The following PI4KB variants were observed in gnomAD, a reference collection of about 807,000 sequenced individuals.
PI4KB encodes the protein PtdIns 4-kinase beta.
PI4KB carries 23 observed loss-of-function variants against 81.4 expected under a neutral mutation model. That is an observed-to-expected ratio of 0.28 (90% CI 0.20 to 0.40). The LOEUF (loss-of-function observed/expected upper bound fraction) is 0.40. Among genes scored for constraint, PI4KB ranks in the 10% least tolerant of loss-of-function variants. The pLI, the probability that PI4KB is intolerant of heterozygous loss-of-function variation, is 1.00. For synonymous variants in PI4KB, 381 were observed against 406.8 expected, an observed-to-expected ratio of 0.94 and a Z score of 0.76; for missense variants, 651 against 1,036.6, an observed-to-expected ratio of 0.63 and a Z score of 5.11.
At position 151,293,878 on chromosome 1, in the gene PI4KB, C is replaced by T. The variant is rs77416301; in HGVS notation, c.2269+140G>A. On this transcript the variant is annotated intron_variant, in intron 11 of 11. Transcript: ENST00000368873. ...GGAATGTCCTAAAGGAGAAACAAGG[C>T]ACTGGACCAGAGCTAGAAACTCTCT... 7.9e-3 allele frequency: 7,024 copies of T among 887,512 alleles called. 39 individuals carry two copies. Among genetic ancestry groups the T allele is most frequent in the Non-Finnish European group, 9.8e-3 (5,698 of 581,976 alleles). 55.0% of individuals were successfully genotyped at this position (887,512 alleles called of 1,614,324 possible).
In PI4KB at chr1:151,292,711, T is replaced by C. The variant is rs878921131; in HGVS notation, c.*141A>G. The C allele has an allele frequency of 6.6e-6, 5 of 762,612 alleles. No individual in the cohort carries two copies. In the Admixed American group the frequency reaches 1.1e-4, roughly 17 times the overall value. The allele number at this position is 762,612 out of a possible 1,614,324, so 47.2% of individuals were successfully genotyped here. A position where few individuals can be genotyped will look rare whatever the true frequency, so the allele number is the denominator to read the frequency against. On this transcript the variant is annotated 3_prime_UTR_variant, in exon 12 of 12. Transcript: ENST00000368873. ...TCAGCAAGCTCTCGCAGTTACCACA[T>C]GATCCTTCGTGTTTCTTGCCTTCCA...
intron 6 of PI4KB, among the ~76,000 whole-genome samples, 186 bp from the exon 7 acceptor site, chr1:151,302,484 GTTAAAA>G (rs1205250736): frequency 2.0e-5 from 3 of 151,670 alleles, no homozygotes; most frequent in Admixed American, 6.6e-5. Context: ...TTGTAATCAT[GTTAAAA>G]TTAAGATTAC....
Position 151,310,275 on chromosome 1 carries a change from C to G in PI4KB, c.910-20G>C. 1.8e-6 allele frequency: 1 copy of G among 569,130 alleles called. No homozygotes were observed. Among genetic ancestry groups the G allele is most frequent in the Non-Finnish European group, 2.9e-6 (1 of 341,532 alleles). The allele number at this position is 569,130 out of a possible 1,614,324, so 35.3% of individuals were successfully genotyped here. A position where few individuals can be genotyped will look rare whatever the true frequency, so the allele number is the denominator to read the frequency against. On this transcript the variant is annotated intron_variant, in intron 2 of 11. Coordinates refer to ENST00000368873, the MANE Select transcript of PI4KB (RefSeq NM_001369623.2). ...GAGCTCCTGGGAAAGGGCCAGAGGG[C>G]AAAGGGAGAAGGAGGGGGTGGGAAG...
intron 1 of PI4KB, chr1:151,326,252 G>C: frequency 6.7e-7 from 1 of 1,494,090 alleles, no homozygotes; most frequent in East Asian, 2.3e-5. Flanking sequence ...TAATCTGATA[G>C]GGACTTCTTC....
intron 11 of PI4KB, chr1:151,293,541 G>T: frequency 1.7e-6 from 1 of 603,180 alleles, no homozygotes; most frequent in Non-Finnish European, 2.4e-6. Flanking sequence ...CCTTGAGGAG[G>T]GGGATGAGGA....
intron 9 of PI4KB, among the ~76,000 whole-genome samples, chr1:151,295,469 C>T (rs2101907460): frequency 6.6e-6 from 1 of 152,306 alleles, no homozygotes; most frequent in Middle Eastern, 3.4e-3. Context: ...ATGGTTCAAC[C>T]TCACATTTTA....
intron 1 of PI4KB, among the ~76,000 whole-genome samples, chr1:151,321,209 C>T (rs779910970): frequency 3.9e-5 from 6 of 152,130 alleles, no homozygotes; most frequent in Non-Finnish European, 8.8e-5. Flanking sequence ...ACAGACTCCT[C>T]TCCTATATAA....
At chr1:151,301,784 G>C (rs1245275706) in intron 8 of PI4KB, 60 bp downstream of exon 8, 1 of 1,532,552 alleles carries the variant, frequency 6.5e-7, no homozygotes, top group Non-Finnish European at 9.0e-7. Flanking sequence ...CACCCGCCTC[G>C]GCCTCCCAGA....
intron 1 of PI4KB, among the ~76,000 whole-genome samples, chr1:151,324,154 T>C (rs1413093566): frequency 6.6e-6 from 1 of 152,150 alleles, no homozygotes; most frequent in Non-Finnish European, 1.5e-5. Context: ...TTTCACCATG[T>C]TGTCTCGAAC....
At chr1:151,303,068 G>C (rs1695438219) in intron 6 of PI4KB, among the ~76,000 whole-genome samples, 3 of 142,452 alleles carry the variant, frequency 2.1e-5, no homozygotes, top group Non-Finnish European at 3.0e-5. Context: ...GTGCGATCTC[G>C]GCTCACTGCA....
At chr1:151,304,781 C>T (rs587742325) in intron 5 of PI4KB, among the ~76,000 whole-genome samples, 1 of 150,708 alleles carries the variant, frequency 6.6e-6, no homozygotes, top group African/African-American at 2.4e-5. Flanking sequence ...TCAAGAATCA[C>T]TTGCCTCCCG....
chr1:151,313,745 C>G (rs1208999366), intron 2 of PI4KB, among the ~76,000 whole-genome samples: 1 of 152,244 alleles, frequency 6.6e-6, no homozygotes, highest in Non-Finnish European at 1.5e-5. Context: ...TTTGCCTGTG[C>G]ATGGATGTGG....
At chr1:151,309,412 G>C (rs757311282) in intron 3 of PI4KB, among the ~76,000 whole-genome samples, 15 of 152,142 alleles carry the variant, frequency 9.9e-5, no homozygotes, top group Non-Finnish European at 1.6e-4. Context: ...AGAGGAGATA[G>C]GAATCATGAC....
chr1:151,303,007 T>G (rs1695428713), intron 6 of PI4KB, among the ~76,000 whole-genome samples: 1 of 146,366 alleles, frequency 6.8e-6, no homozygotes, highest in African/African-American at 2.5e-5. Context: ...TTTTTTTTTT[T>G]TTTTTTTTTG....
chr1:151,314,142 C>T (rs1188746438), intron 2 of PI4KB, among the ~76,000 whole-genome samples: 4 of 152,246 alleles, frequency 2.6e-5, no homozygotes, highest in African/African-American at 9.6e-5. Context: ...CTCCCTCTTC[C>T]TTTTCTCTAG....
intron 2 of PI4KB, among the ~76,000 whole-genome samples, chr1:151,312,855 A>G (rs1248356115): frequency 6.6e-6 from 1 of 152,162 alleles, no homozygotes; most frequent in African/African-American, 2.4e-5. Flanking sequence ...CTTTACAAAA[A>G]AATTTTTTAA....
chr1:151,319,856 T>C (rs1218178398), intron 1 of PI4KB, among the ~76,000 whole-genome samples: 1 of 152,046 alleles, frequency 6.6e-6, no homozygotes, highest in Non-Finnish European at 1.5e-5. Flanking sequence ...TTTTGTAGAG[T>C]TGGAATACAG....
At chr1:151,318,185 G>A (rs948111691) in intron 1 of PI4KB, among the ~76,000 whole-genome samples, 3 of 151,990 alleles carry the variant, frequency 2.0e-5, no homozygotes, top group Non-Finnish European at 4.4e-5. Context: ...TTGGGAGGCC[G>A]AGGTGGGCAG....
intron 1 of PI4KB, among the ~76,000 whole-genome samples, chr1:151,326,906 G>A (rs1227133145): frequency 6.6e-6 from 1 of 152,194 alleles, no homozygotes; most frequent in East Asian, 1.9e-4. Context: ...CCATGGAAAA[G>A]GTTTGGGGCA....
Sources: gnomAD v4.1 joint callset for allele counts (sites outside exome capture counted in the v4.1 genomes callset) on GRCh38, gnomAD v4.1.1 for gene constraint, MANE v1.5 for transcripts, NCBI Gene and HGNC (gene_info 2026-07-23, HGNC 2026-07-21) for gene names.